Variants in SCAF8 observed in about 807,000 individuals in gnomAD.
SCAF8 encodes SR-related and CTD-associated factor 8.
Under a neutral mutation model 140.5 loss-of-function variants are expected in SCAF8, and 23 were observed. That is an observed-to-expected ratio of 0.16 (90% CI 0.12 to 0.23). The LOEUF (loss-of-function observed/expected upper bound fraction) is 0.23. Among genes scored for constraint, SCAF8 ranks in the 10% least tolerant of loss-of-function variants. SCAF8 has a pLI of 1.00. For synonymous variants in SCAF8, 575 were observed against 528.9 expected, an observed-to-expected ratio of 1.09 and a Z score of -1.20; for missense variants, 1,397 against 1,555.7, an observed-to-expected ratio of 0.90 and a Z score of 1.72.
intron 14 of SCAF8, among the ~76,000 whole-genome samples, chr6:154,819,368 C>G (rs965567984): frequency 2.6e-5 from 4 of 151,872 alleles, no homozygotes; most frequent in Admixed American, 1.3e-4. Flanking sequence ...GGGAGGATCA[C>G]TTAAGCCCAG....
chr6:154,767,628 C>T (rs1257591677), intron 1 of SCAF8, among the ~76,000 whole-genome samples: 1 of 149,188 alleles, frequency 6.7e-6, no homozygotes, highest in Non-Finnish European at 1.5e-5. Context: ...CAACCTGTGC[C>T]TCCTGGGCTC....
chr6:154,794,411 T>A (rs1332251305), intron 5 of SCAF8, among the ~76,000 whole-genome samples: 1 of 152,136 alleles, frequency 6.6e-6, no homozygotes, highest in East Asian at 1.9e-4. Context: ...TTTCCATGAT[T>A]CCAATTACTT....
Position 154,733,605 on chromosome 6 carries a change from A to T in SCAF8, c.-296A>T. The stretch of plus-strand genomic sequence containing the variant: ...CGAAACGGAGCGGGGCAGAGAAGAG[A>T]AGGCGCCGCGGCCCAGCCCCTCCCC... On this transcript the variant is annotated 5_prime_UTR_variant, in exon 1 of 20. Coordinates refer to ENST00000367178, the MANE Select transcript of SCAF8 (RefSeq NM_014892.5). 7.8e-7 allele frequency: 1 copy of T among 1,289,630 alleles called. No homozygotes were observed. The highest frequency in any genetic ancestry group is 9.8e-7 in the Non-Finnish European group (1 of 1,022,486). The allele number at this position is 1,289,630 out of a possible 1,614,324, so 79.9% of individuals were successfully genotyped here.
intron 2 of SCAF8, among the ~76,000 whole-genome samples, chr6:154,777,214 C>T (rs992209430): frequency 9.2e-5 from 14 of 151,750 alleles, no homozygotes; most frequent in Non-Finnish European, 1.8e-4. Context: ...TAAAGAGAAG[C>T]ACAATTCAGG....
At chr6:154,783,130 CTG>C (rs1222212314) in intron 3 of SCAF8, among the ~76,000 whole-genome samples, 2 of 152,166 alleles carry the variant, frequency 1.3e-5, no homozygotes, top group Non-Finnish European at 2.9e-5. Flanking sequence ...ATCCATAGCT[CTG>C]TTCTCATTTG....
At chr6:154,762,981 A>G (rs1776450531) in intron 1 of SCAF8, among the ~76,000 whole-genome samples, 1 of 152,036 alleles carries the variant, frequency 6.6e-6, no homozygotes, top group South Asian at 2.1e-4. Flanking sequence ...GCCCTGTAAT[A>G]CCTCTATTTG....
In SCAF8 at chr6:154,832,447, G is replaced by C. The variant is rs138363957; in HGVS notation, c.2868G>C (p.Ser956=). 2 of 1,614,066 alleles carry C rather than the reference G, an allele frequency of 1.2e-6. No individual in the cohort carries two copies. The highest frequency in any genetic ancestry group is 8.5e-7 in the Non-Finnish European group (1 of 1,179,972). The change falls in exon 20 of 20, where the codon TCG becomes TCC. Residue 956 remains serine (S), a synonymous_variant. Transcript: ENST00000367178. ...IPPQRGIPPP[S]VLDSALHPPP... ...CCCAACGGGGAATCCCACCCCCATCGGTACTTGATTCAGCTCTTCATCCAC... is the reference window on the plus strand; with the variant it reads ...CCCAACGGGGAATCCCACCCCCATCCGTACTTGATTCAGCTCTTCATCCAC...
At chr6:154,743,993 T>G (rs981851981) in intron 1 of SCAF8, among the ~76,000 whole-genome samples, 1 of 152,126 alleles carries the variant, frequency 6.6e-6, no homozygotes, top group Non-Finnish European at 1.5e-5. Flanking sequence ...TACCAAACAT[T>G]TATTAGAAAT....
Position 154,827,125 on chromosome 6 carries a change from A to G in SCAF8, c.2072-47A>G, listed in dbSNP as rs747728066. ...GCTGTTGGAATCTTTGATTTAAAATAAGTAATTTTTCTTGTGCTATTTTTT... is the reference window on the plus strand; with the variant it reads ...GCTGTTGGAATCTTTGATTTAAAATGAGTAATTTTTCTTGTGCTATTTTTT... On this transcript the variant is annotated intron_variant, in intron 17 of 19. Transcript: ENST00000367178. 4.4e-5 allele frequency: 63 copies of G among 1,445,062 alleles called. No homozygotes were observed. The East Asian group carries it at 1.2e-3, about 28-fold the overall frequency. 89.5% of individuals were successfully genotyped at this position (1,445,062 alleles called of 1,614,324 possible).
At chr6:154,823,260 T>C (rs961997001) in intron 16 of SCAF8, among the ~76,000 whole-genome samples, 2 of 152,064 alleles carry the variant, frequency 1.3e-5, no homozygotes, top group African/African-American at 2.4e-5. Context: ...TGAGGAGTCA[T>C]TGGAGGATTT....
At chr6:154,755,367 T>C (rs7742433) in intron 1 of SCAF8, among the ~76,000 whole-genome samples, 91,881 of 151,866 alleles carry the variant, frequency 0.61, 30,498 homozygotes, top group East Asian at 0.91. Flanking sequence ...GATTCTCGTG[T>C]CTCAGCCTCC....
intron 8 of SCAF8, among the ~76,000 whole-genome samples, chr6:154,804,390 C>T (rs1250945793): frequency 3.3e-5 from 5 of 152,140 alleles, no homozygotes; most frequent in Non-Finnish European, 7.4e-5. Context: ...TTGCAAGCAG[C>T]ATTTGAAATC....
At chr6:154,775,295 A>G (rs183013248) in intron 2 of SCAF8, among the ~76,000 whole-genome samples, 4 of 152,320 alleles carry the variant, frequency 2.6e-5, no homozygotes, top group Non-Finnish European at 5.9e-5. Flanking sequence ...AATGTTTCAA[A>G]GACATGATTA....
chr6:154,808,053 G>GTA lies in SCAF8; in HGVS notation c.982-13_982-12dup, dbSNP rs1777973787. 6.2e-7 allele frequency: 1 copy of GTA among 1,602,056 alleles called. No individual in the cohort carries two copies. Among genetic ancestry groups the GTA allele is most frequent in the South Asian group, 1.1e-5 (1 of 88,340 alleles). On this transcript the variant is annotated splice_polypyrimidine_tract_variant and intron_variant, in intron 9 of 19. Coordinates refer to ENST00000367178, the MANE Select transcript of SCAF8 (RefSeq NM_014892.5). ...AGTATCTCCCAATCTTTGTGTGTTT[G>GTA]TATATGTTCTCAATAGGCCACTCCT...
rs1562448740 is a variant in SCAF8 at position 154,792,971 on chromosome 6, C to G, written c.470C>G (p.Thr157Ser). The change falls in exon 5 of 20, where the codon ACT becomes AGT. Residue 157 changes from threonine to serine, a missense_variant. Around this residue, in one of 5 missense-constraint regions of SCAF8, gnomAD observed 339 missense variants for 407.5 expected, o/e 0.83. Coordinates refer to ENST00000367178, the MANE Select transcript of SCAF8 (RefSeq NM_014892.5). ...AGCACTACCACTGCTATGAGCAATA[C>G]TCCAGGTATGTTGCTTTAATATAGA... is the stretch of plus-strand genomic sequence containing the variant. ...LASTTTAMSNTPGTPVTPVTP... is the reference protein window; with the variant it reads ...LASTTTAMSNSPGTPVTPVTP... 6.2e-7 allele frequency: 1 copy of G among 1,606,718 alleles called. No individual in the cohort carries two copies.
chr6:154,772,470 G>A lies in SCAF8; in HGVS notation c.31-1519G>A, dbSNP rs143480682. Among the ~76,000 whole-genome samples, 943 of 152,256 alleles carry A rather than the reference G, an allele frequency of 6.2e-3. 13 individuals are homozygous for A. Among genetic ancestry groups the A allele is most frequent in the African/African-American group, 0.022 (904 of 41,546 alleles). On this transcript the variant is annotated intron_variant, in intron 1 of 19. Transcript: ENST00000367178. ...TTTGAGAGGCTGAAGTAGGCAGATTGCTTGAGCCCAGCAGTTCAAGACCAG... is the reference window on the plus strand; with the variant it reads ...TTTGAGAGGCTGAAGTAGGCAGATTACTTGAGCCCAGCAGTTCAAGACCAG...
chr6:154,808,892 A>T, intron 11 of SCAF8, 94 bp downstream of exon 11: 1 of 823,068 alleles, frequency 1.2e-6, no homozygotes, highest in South Asian at 1.7e-5. Context: ...TTTCCTTGGG[A>T]TGACATATTT....
chr6:154,757,045 T>G (rs1778984273), intron 1 of SCAF8, among the ~76,000 whole-genome samples: 1 of 152,054 alleles, frequency 6.6e-6, no homozygotes, highest in Non-Finnish European at 1.5e-5. Flanking sequence ...AAGTTGTCTT[T>G]TTTTGAGTCT....
chr6:154,766,799 C>T (rs746138122), intron 1 of SCAF8, among the ~76,000 whole-genome samples: 1 of 151,352 alleles, frequency 6.6e-6, no homozygotes, highest in African/African-American at 2.4e-5. Context: ...TTGTGCTTCA[C>T]GGGTTTCAAA....
Sources: allele counts gnomAD v4.1 joint callset (sites outside exome capture counted in the v4.1 genomes callset), GRCh38; gene constraint gnomAD v4.1.1; regional missense constraint gnomAD v4.1.1; transcripts MANE v1.5; gene names NCBI Gene and HGNC (gene_info 2026-07-23, HGNC 2026-07-21).